The following SORCS3 variants were observed in gnomAD, a reference collection of about 807,000 sequenced individuals.
SORCS3 encodes VPS10 domain-containing receptor SorCS3.
SORCS3 carries 57 observed loss-of-function variants against 146.3 expected under a neutral mutation model. The observed-to-expected ratio is 0.39, with a 90% CI of 0.31 to 0.49. The LOEUF is 0.49. Ranked by LOEUF, SORCS3 falls within the 20% of genes least tolerant of loss-of-function variation. The probability of loss-of-function intolerance (pLI) is 0.92; values close to 1 mark genes in which losing one functional copy is unlikely to be tolerated. For missense variants in SORCS3, 1,341 were observed against 1,575.5 expected, an observed-to-expected ratio of 0.85 and a Z score of 2.52; for synonymous variants, 653 against 618.5, an observed-to-expected ratio of 1.06 and a Z score of -0.83.
intron 20 of SORCS3, among the ~76,000 whole-genome samples, chr10:105,235,767 G>C (rs914687435): frequency 6.6e-6 from 1 of 151,942 alleles, no homozygotes; most frequent in South Asian, 2.1e-4. Context: ...GGTTTCATGG[G>C]TTAAGTTTCT....
At chr10:104,831,370 T>G (rs1197776626) in intron 1 of SORCS3, among the ~76,000 whole-genome samples, 1 of 152,164 alleles carries the variant, frequency 6.6e-6, no homozygotes, top group Non-Finnish European at 1.5e-5. Flanking sequence ...ATGGGCACCA[T>G]CTATTTATCT....
At chr10:104,716,517 G>A (rs960610519) in intron 1 of SORCS3, among the ~76,000 whole-genome samples, 1 of 152,134 alleles carries the variant, frequency 6.6e-6, no homozygotes, top group Non-Finnish European at 1.5e-5. Context: ...TGCCATGGGG[G>A]TCGGGGAGGG....
At chr10:105,198,150 T>C (rs1216725634) in intron 14 of SORCS3, among the ~76,000 whole-genome samples, 1 of 152,200 alleles carries the variant, frequency 6.6e-6, no homozygotes, top group Non-Finnish European at 1.5e-5. Flanking sequence ...TCCTCTTCTG[T>C]CTGCCTAGTA....
At chr10:105,009,691 A>G (rs561267921) in intron 4 of SORCS3, among the ~76,000 whole-genome samples, 3 of 152,154 alleles carry the variant, frequency 2.0e-5, no homozygotes, top group South Asian at 4.1e-4. Flanking sequence ...GACTTTTTCA[A>G]TAATTTTCAT....
At chr10:105,182,338 T>C (rs1287283429) in intron 14 of SORCS3, among the ~76,000 whole-genome samples, 1 of 149,758 alleles carries the variant, frequency 6.7e-6, no homozygotes, top group Non-Finnish European at 1.5e-5. Context: ...AGGATTGGCA[T>C]CATTGGGCAG....
At chr10:104,892,065 T>G (rs2018754594) in intron 2 of SORCS3, among the ~76,000 whole-genome samples, 1 of 152,250 alleles carries the variant, frequency 6.6e-6, no homozygotes, top group African/African-American at 2.4e-5. Context: ...GTGAAGATTC[T>G]CATTTTAAGT....
intron 4 of SORCS3, among the ~76,000 whole-genome samples, chr10:105,024,284 C>G (rs1419411117): frequency 6.6e-6 from 1 of 152,130 alleles, no homozygotes; most frequent in African/African-American, 2.4e-5. Context: ...TGGTTTTCCT[C>G]AAAAGGTGGC....
intron 4 of SORCS3, among the ~76,000 whole-genome samples, chr10:105,000,479 C>T (rs73334066): frequency 0.075 from 11,376 of 151,936 alleles, 473 homozygotes; most frequent in African/African-American, 0.1. Flanking sequence ...TGTTTGTTTT[C>T]TTTGTTGTTG....
intron 16 of SORCS3, among the ~76,000 whole-genome samples, chr10:105,206,725 A>C (rs1455196367): frequency 2.6e-5 from 4 of 152,312 alleles, no homozygotes; most frequent in African/African-American, 7.2e-5. Context: ...ATTTGGGCTT[A>C]TGTCTTAGCT....
chr10:104,730,739 T>C (rs566783765), intron 1 of SORCS3, among the ~76,000 whole-genome samples: 1 of 152,308 alleles, frequency 6.6e-6, no homozygotes, highest in East Asian at 1.9e-4. Context: ...AGAAGGCACC[T>C]CTTCACAGGG....
Position 105,240,941 on chromosome 10 carries a change from G to GAA in SORCS3, c.2869-4595_2869-4594dup, listed in dbSNP as rs57736056. ...ACACACATATACACACACAAACACT[G>GAA]AAAAAAATATATATATATATATCTA... is the stretch of plus-strand genomic sequence containing the variant. On this transcript the variant is annotated intron_variant, in intron 20 of 26. Coordinates refer to ENST00000369701, the MANE Select transcript of SORCS3 (RefSeq NM_014978.3). 2.7e-3 allele frequency among the ~76,000 whole-genome samples: 406 copies of GAA among 147,970 alleles called. 1 individual carries two copies. The highest frequency in any genetic ancestry group is 7.7e-3 in the African/African-American group (311 of 40,450).
intron 3 of SORCS3, among the ~76,000 whole-genome samples, chr10:104,974,900 A>C (rs1454111031): frequency 6.6e-6 from 1 of 152,116 alleles, no homozygotes; most frequent in Non-Finnish European, 1.5e-5. Context: ...GGTGGTGACA[A>C]AATCTCTCAG....
At chr10:105,227,358 A>G (rs1340348572) in intron 20 of SORCS3, among the ~76,000 whole-genome samples, 1 of 152,050 alleles carries the variant, frequency 6.6e-6, no homozygotes, top group Non-Finnish European at 1.5e-5. Context: ...CAGTTTCTAA[A>G]GTTCCTCTTG....
chr10:105,099,413 G>C (rs746080267), intron 6 of SORCS3, among the ~76,000 whole-genome samples: 115 of 152,254 alleles, frequency 7.6e-4, no homozygotes, highest in Admixed American at 8.5e-4. Context: ...GATGACAAGA[G>C]GCTTGATGTC....
At chr10:105,184,420 C>T (rs2056462459) in intron 14 of SORCS3, among the ~76,000 whole-genome samples, 1 of 152,198 alleles carries the variant, frequency 6.6e-6, no homozygotes, top group African/African-American at 2.4e-5. Flanking sequence ...CCGTCCAAAC[C>T]ATAGAGCTGG....
chr10:104,823,369 A>G (rs927780921), intron 1 of SORCS3, among the ~76,000 whole-genome samples: 1 of 152,036 alleles, frequency 6.6e-6, no homozygotes, highest in African/African-American at 2.4e-5. Context: ...AATGAATTAT[A>G]CTAACTTCTT....
intron 1 of SORCS3, among the ~76,000 whole-genome samples, chr10:104,713,228 A>T (rs12260335): frequency 0.044 from 6,714 of 151,830 alleles, 143 homozygotes; most frequent in Admixed American, 0.053. Context: ...GTGCTATGTC[A>T]CCTTTCCTCA....
At chr10:104,780,990 A>G (rs2017367834) in intron 1 of SORCS3, among the ~76,000 whole-genome samples, 1 of 152,234 alleles carries the variant, frequency 6.6e-6, no homozygotes, top group Admixed American at 6.5e-5. Flanking sequence ...TTTTTATAAG[A>G]TGCATTATAT....
At chr10:104,994,368 A>G (rs988585318) in intron 4 of SORCS3, among the ~76,000 whole-genome samples, 2 of 152,182 alleles carry the variant, frequency 1.3e-5, no homozygotes, top group Non-Finnish European at 2.9e-5. Context: ...ATCTTTTTAG[A>G]TGCTCATAAG....
Sources: allele counts gnomAD v4.1 joint callset (sites outside exome capture counted in the v4.1 genomes callset), GRCh38; gene constraint gnomAD v4.1.1; transcripts MANE v1.5; gene names NCBI Gene and HGNC (gene_info 2026-07-23, HGNC 2026-07-21).